Variants in VPS35 observed in about 807,000 individuals in gnomAD.
VPS35 encodes VPS35 retromer complex component, also known as vacuolar protein sorting-associated protein 35.
In VPS35, 21 loss-of-function variants were observed where a neutral mutation model predicts 98.1. That is an observed-to-expected ratio of 0.21 (90% CI 0.15 to 0.31). The LOEUF (loss-of-function observed/expected upper bound fraction) is 0.31. Ranked by LOEUF, VPS35 falls within the 10% of genes least tolerant of loss-of-function variation. The probability of loss-of-function intolerance (pLI) is 1.00; values close to 1 mark genes in which losing one functional copy is unlikely to be tolerated. For missense variants in VPS35, 554 were observed against 950.8 expected (o/e 0.58, Z 5.49); for synonymous variants, 268 against 318.2 (o/e 0.84, Z 1.68).
At chr16:46,662,672 A>G (rs1032982082) in intron 14 of VPS35, among the ~76,000 whole-genome samples, 190 bp from the exon 15 acceptor site, 2 of 152,204 alleles carry the variant, frequency 1.3e-5, no homozygotes, top group African/African-American at 2.4e-5. Context: ...GTTGCAATAA[A>G]GAAACTTCTT....
chr16:46,660,837 A>C (rs1596708707), intron 16 of VPS35, 186 bp from the exon 17 acceptor site: 1 of 683,964 alleles, frequency 1.5e-6, no homozygotes, highest in East Asian at 2.9e-5. Context: ...AAAAAAAAAA[A>C]AACAACCCTT....
intron 13 of VPS35, among the ~76,000 whole-genome samples, chr16:46,665,966 CG>C: frequency 6.6e-6 from 1 of 152,130 alleles, no homozygotes; most frequent in East Asian, 1.9e-4. Context: ...TGCAGTGGCG[CG>C]ATCTCAGCTT....
intron 1 of VPS35, 36 bp downstream of exon 1, chr16:46,689,095 G>C (rs1413030554): frequency 3.7e-6 from 6 of 1,604,424 alleles, no homozygotes; most frequent in Middle Eastern, 1.7e-4. Flanking sequence ...CTACAAGGAG[G>C]GTCGACCCAG....
chr16:46,670,372 C>T (rs1220759700), intron 12 of VPS35, among the ~76,000 whole-genome samples: 2 of 152,172 alleles, frequency 1.3e-5, no homozygotes, highest in African/African-American at 4.8e-5. Flanking sequence ...CAACCTCCAC[C>T]TCCCAGGTTC....
chr16:46,678,537 A>T (rs1347783861), intron 6 of VPS35, among the ~76,000 whole-genome samples: 1 of 152,066 alleles, frequency 6.6e-6, no homozygotes, highest in Admixed American at 6.5e-5. Flanking sequence ...CCTTTTCACC[A>T]ATACCACACA....
At chr16:46,684,467 C>G (rs1966282095) in intron 1 of VPS35, among the ~76,000 whole-genome samples, 1 of 152,192 alleles carries the variant, frequency 6.6e-6, no homozygotes, top group Non-Finnish European at 1.5e-5. Flanking sequence ...GAGCACTGTC[C>G]TCAAATAGCT....
chr16:46,685,925 CCATTTTAA>C (rs1444980728), intron 1 of VPS35, among the ~76,000 whole-genome samples: 1 of 151,982 alleles, frequency 6.6e-6, no homozygotes, highest in Non-Finnish European at 1.5e-5. Flanking sequence ...CTAAAATTTA[CCATTTTAA>C]CATTTAAATG....
At chr16:46,671,221 A>G (rs1966063545) in intron 12 of VPS35, among the ~76,000 whole-genome samples, 2 of 152,200 alleles carry the variant, frequency 1.3e-5, no homozygotes, top group African/African-American at 4.8e-5. Context: ...TATAATTTAT[A>G]CTTGCAAATT....
intron 8 of VPS35, among the ~76,000 whole-genome samples, chr16:46,676,072 A>AG (rs1966145645): frequency 6.6e-6 from 1 of 151,040 alleles, no homozygotes; most frequent in Non-Finnish European, 1.5e-5. Context: ...TCTCAAAAAA[A>AG]AAAAAAAAAA....
At position 46,661,877 on chromosome 16, in the gene VPS35, AG is replaced by A; in HGVS notation, c.2068-17del. 2 of 1,614,112 alleles carry A rather than the reference AG, an allele frequency of 1.2e-6. No homozygotes were observed. The highest frequency in any genetic ancestry group is 1.1e-5 in the South Asian group (1 of 91,080). On this transcript the variant is annotated splice_polypyrimidine_tract_variant and intron_variant, in intron 15 of 16. Transcript: ENST00000299138. This position sits in a 1 kb window ranked among gnomAD's most constrained non-coding sequence, Gnocchi z 4.3. ...CTCCGTGAAGCTAAAATAAAAGGGC[AG>A]GGGGACAGTGAAGAGATTAATGAAA...
intron 13 of VPS35, among the ~76,000 whole-genome samples, chr16:46,663,525 G>A (rs1965943318): frequency 6.6e-6 from 1 of 152,028 alleles, no homozygotes; most frequent in African/African-American, 2.4e-5. Context: ...GGGATTACAG[G>A]TGCCCACCAC....
chr16:46,678,354 A>T (rs1237402013), intron 6 of VPS35, among the ~76,000 whole-genome samples: 1 of 152,028 alleles, frequency 6.6e-6, no homozygotes, highest in African/African-American at 2.4e-5. Flanking sequence ...CTCATGTTTT[A>T]AAGTTTACAA....
intron 1 of VPS35, chr16:46,688,530 C>T: frequency 1.0e-6 from 1 of 989,112 alleles, no homozygotes; most frequent in Non-Finnish European, 1.2e-6. Flanking sequence ...CCTTTGCGAC[C>T]GTCAGGATTA....
Position 46,656,766 on chromosome 16 carries a change from G to A in VPS35, c.*3706C>T, listed in dbSNP as rs1444040677. On this transcript the variant is annotated 3_prime_UTR_variant, in exon 17 of 17. Transcript: ENST00000299138. ...TCATGCCTGTAATTCCAGCACTTTG[G>A]GAGGCTGAGCCAGGTGGATCACAAG... The A allele has an allele frequency of 6.6e-6, 1 of 152,418 alleles. No homozygotes were observed. The highest frequency in any genetic ancestry group is 6.5e-5 in the Admixed American group (1 of 15,284). 9.4% of individuals were successfully genotyped at this position (152,418 alleles called of 1,614,324 possible). A position where few individuals can be genotyped will look rare whatever the true frequency, so the allele number is the denominator to read the frequency against.
intron 12 of VPS35, 43 bp downstream of exon 12, chr16:46,671,662 C>T: frequency 1.9e-6 from 3 of 1,612,950 alleles, no homozygotes; most frequent in Non-Finnish European, 2.5e-6. Context: ...CATGTGATTT[C>T]ACTAGGAGCT....
At chr16:46,677,870 A>C (rs539447305) in intron 6 of VPS35, among the ~76,000 whole-genome samples, 17 of 152,210 alleles carry the variant, frequency 1.1e-4, no homozygotes, top group Admixed American at 9.8e-4. Context: ...GGTCATAAAG[A>C]TTTCCTCTGT....
chr16:46,679,232 C>T, intron 5 of VPS35, 76 bp from the exon 6 acceptor site: 1 of 1,290,072 alleles, frequency 7.8e-7, no homozygotes, highest in South Asian at 1.3e-5. Context: ...TTGTGTATTT[C>T]CTACTTATCT....
chr16:46,668,580 A>G (rs1242397150), intron 13 of VPS35, among the ~76,000 whole-genome samples: 1 of 151,972 alleles, frequency 6.6e-6, no homozygotes, highest in Non-Finnish European at 1.5e-5. Context: ...ATATTATTCA[A>G]TGATATGCCT....
chr16:46,659,250 CA>C lies in VPS35; in HGVS notation c.*1221del, dbSNP rs1366453918. The C allele has an allele frequency of 6.6e-6, 1 of 152,354 alleles. No homozygotes were observed. The highest frequency in any genetic ancestry group is 1.5e-5 in the Non-Finnish European group (1 of 68,126). The allele number at this position is 152,354 out of a possible 1,614,324, so 9.4% of individuals were successfully genotyped here. On this transcript the variant is annotated 3_prime_UTR_variant, in exon 17 of 17. Coordinates refer to ENST00000299138, the MANE Select transcript of VPS35 (RefSeq NM_018206.6). ...AGTGAGCAGAAAAGTCAGCCCCAGTCAAAGCATCAGATGACTGCAGCCCCAA... is the reference window on the plus strand; with the variant it reads ...AGTGAGCAGAAAAGTCAGCCCCAGTCAAGCATCAGATGACTGCAGCCCCAA...
Sources: gnomAD v4.1 joint callset for allele counts (sites outside exome capture counted in the v4.1 genomes callset) on GRCh38, gnomAD v4.1.1 for gene constraint, Gnocchi (gnomAD v3.1) non-coding constraint, MANE v1.5 for transcripts, NCBI Gene and HGNC (gene_info 2026-07-23, HGNC 2026-07-21) for gene names.